Variants in RASGEF1A observed in about 807,000 individuals in gnomAD.
The protein encoded by RASGEF1A is RasGEF domain family member 1A, also known as ras-GEF domain-containing family member 1A.
In RASGEF1A, 18 loss-of-function variants were observed where a neutral mutation model predicts 56.4. The ratio of observed to expected loss-of-function variants is 0.32; its 90% CI spans 0.22 to 0.47. The LOEUF (loss-of-function observed/expected upper bound fraction) is 0.47. Among genes scored for constraint, RASGEF1A ranks in the 20% least tolerant of loss-of-function variants. RASGEF1A has a pLI of 1.00. For synonymous variants in RASGEF1A, 245 were observed against 242.6 expected, an observed-to-expected ratio of 1.01 and a Z score of -0.09; for missense variants, 422 against 627.1, an observed-to-expected ratio of 0.67 and a Z score of 3.49.
chr10:43,220,187 G>A (rs1840189167), intron 1 of RASGEF1A, among the ~76,000 whole-genome samples: 1 of 152,228 alleles, frequency 6.6e-6, no homozygotes, highest in Non-Finnish European at 1.5e-5. Context: ...GTGTAATAAT[G>A]TGTTGTGGTC....
In RASGEF1A at chr10:43,200,250, C is replaced by A; in HGVS notation, c.688G>T (p.Val230Phe). Residue 230 changes from valine to phenylalanine, a missense_variant, in exon 6 of 13, where the codon GTC (valine) becomes TTC (phenylalanine). Physicochemically the swap from Val to Phe is conservative, Grantham distance 50. Transcript: ENST00000395810. ...AAGTCCTCAGGGTAAATGCTGCTGA[C>A]CCTGTCCTGGGGTGGAAGATAGCAA... ...QQLTHIELDR[V>F]SSIYPEDLMQ... 6.2e-7 allele frequency: 1 copy of A among 1,605,070 alleles called. No individual in the cohort carries two copies.
Position 43,196,928 on chromosome 10 carries a change from G to A in RASGEF1A, c.1348+48C>T. 3 of 1,604,112 alleles carry A rather than the reference G, an allele frequency of 1.9e-6. No homozygotes were observed. Among genetic ancestry groups the A allele is most frequent in the Non-Finnish European group, 2.6e-6 (3 of 1,176,098 alleles). ...CCCAAAGAGCACCGGGCCTGGACAA[G>A]GAGTCAGGTGGGGTGGGAGGCATGC... On this transcript the variant is annotated intron_variant, in intron 11 of 12. Transcript: ENST00000395810. This position sits in a 1 kb window ranked among gnomAD's most constrained non-coding sequence, Gnocchi z 4.6.
At chr10:43,230,296 G>C (rs1296600766) in intron 1 of RASGEF1A, among the ~76,000 whole-genome samples, 6 of 152,312 alleles carry the variant, frequency 3.9e-5, no homozygotes, top group Admixed American at 3.9e-4. Context: ...TGGAACTCGG[G>C]GGACACGGCA....
intron 9 of RASGEF1A, 94 bp downstream of exon 9, chr10:43,198,839 G>A: frequency 1.7e-6 from 2 of 1,163,362 alleles, no homozygotes; most frequent in Non-Finnish European, 2.6e-6. Flanking sequence ...GGGAGAGGAG[G>A]GCAGCCCCCC....
intron 3 of RASGEF1A, 139 bp from the exon 4 acceptor site, chr10:43,202,084 C>A (rs1839909033): frequency 1.1e-6 from 1 of 884,340 alleles, no homozygotes. Flanking sequence ...GTGCCACCTG[C>A]GGTTTGGCCA....
At chr10:43,224,205 T>G (rs895905644) in intron 1 of RASGEF1A, among the ~76,000 whole-genome samples, 1 of 152,238 alleles carries the variant, frequency 6.6e-6, no homozygotes, top group Non-Finnish European at 1.5e-5. Context: ...ATATGATATA[T>G]AAACTATTTC....
intron 1 of RASGEF1A, chr10:43,229,822 G>A (rs1417096424): frequency 1.9e-6 from 2 of 1,058,202 alleles, no homozygotes; most frequent in Non-Finnish European, 2.5e-6. Flanking sequence ...GGCTGGGCTG[G>A]GGACCGCGGG....
chr10:43,214,134 T>C (rs1840103778), intron 1 of RASGEF1A, among the ~76,000 whole-genome samples: 1 of 152,206 alleles, frequency 6.6e-6, no homozygotes, highest in South Asian at 2.1e-4. Flanking sequence ...CCTTGCACCC[T>C]GCCCTATCAC....
intron 1 of RASGEF1A, among the ~76,000 whole-genome samples, chr10:43,230,492 C>T (rs1840351729): frequency 6.6e-6 from 1 of 152,174 alleles, no homozygotes; most frequent in South Asian, 2.1e-4. Flanking sequence ...GAAAGATGCG[C>T]GGAGCCGAAG....
chr10:43,250,432 G>T (rs909449484), intron 1 of RASGEF1A, among the ~76,000 whole-genome samples: 5 of 152,224 alleles, frequency 3.3e-5, no homozygotes, highest in African/African-American at 1.2e-4. Context: ...TGCCAATTCC[G>T]CCTGTTGCTT....
rs978539126 is a variant in RASGEF1A, at chr10:43,247,818, T to C, written c.-7+19027A>G. Among the ~76,000 whole-genome samples, 3 of 152,138 alleles carry C rather than the reference T, an allele frequency of 2.0e-5. No homozygotes were observed. In the East Asian group the frequency reaches 5.8e-4, roughly 29 times the overall value. ...GGCTCACACCTATAATCCCAGCACT[T>C]TGGGAGGCCTAGGCAGACAGATCAC... On this transcript the variant is annotated intron_variant, in intron 1 of 12. Transcript: ENST00000395810.
chr10:43,265,833 T>C (rs1228642240), intron 1 of RASGEF1A, among the ~76,000 whole-genome samples: 1 of 152,136 alleles, frequency 6.6e-6, no homozygotes, highest in African/African-American at 2.4e-5. Context: ...GGGAGAACCC[T>C]GGGGGGACAG....
At chr10:43,221,397 C>G (rs1800496270) in intron 1 of RASGEF1A, among the ~76,000 whole-genome samples, 1 of 152,192 alleles carries the variant, frequency 6.6e-6, no homozygotes, top group Admixed American at 6.5e-5. Context: ...CGTCTCCATG[C>G]CTCCCCAGGG....
At chr10:43,254,003 C>T (rs1840657228) in intron 1 of RASGEF1A, among the ~76,000 whole-genome samples, 1 of 152,152 alleles carries the variant, frequency 6.6e-6, no homozygotes, top group Non-Finnish European at 1.5e-5. Context: ...CTGGGGCAGG[C>T]CTGCCTCCCC....
At chr10:43,242,384 T>C (rs1361538282) in intron 1 of RASGEF1A, among the ~76,000 whole-genome samples, 1 of 152,074 alleles carries the variant, frequency 6.6e-6, no homozygotes, top group Non-Finnish European at 1.5e-5. Context: ...ACTGATAGAA[T>C]TGAAGGAAGA....
intron 1 of RASGEF1A, among the ~76,000 whole-genome samples, chr10:43,241,270 T>C (rs1267762626): frequency 1.3e-5 from 2 of 152,222 alleles, no homozygotes; most frequent in Non-Finnish European, 1.5e-5. Flanking sequence ...AACTGGTCTA[T>C]GACCATACTA....
At chr10:43,232,886 A>T (rs1840389878) in intron 1 of RASGEF1A, among the ~76,000 whole-genome samples, 1 of 151,706 alleles carries the variant, frequency 6.6e-6, no homozygotes, top group Non-Finnish European at 1.5e-5. Flanking sequence ...GCCGGGGGGG[A>T]TCTCTTAGAA....
Position 43,201,943 on chromosome 10 carries a change from G to A in RASGEF1A, c.324C>T (p.Ala108=), listed in dbSNP as rs765097123. Residue 108 remains alanine (A), a splice_region_variant and synonymous_variant, in exon 4 of 13, where the codon GCC becomes GCT. Transcript: ENST00000395810. ...KQQLEAGPEK[A]KLKSFSAKIV... ...TCTTGGCTGAGAAAGACTTCAGCTT[G>A]GCCTGGGGCAGCAGGGGATACAGAG... 1.9e-6 allele frequency: 3 copies of A among 1,605,492 alleles called. No individual in the cohort carries two copies. The East Asian group carries it at 6.7e-5, about 36-fold the overall frequency.
chr10:43,222,464 T>C (rs1236688671), intron 1 of RASGEF1A, among the ~76,000 whole-genome samples: 1 of 152,146 alleles, frequency 6.6e-6, no homozygotes, highest in Non-Finnish European at 1.5e-5. Context: ...CAATGGCCAA[T>C]GATTCAGTCA....
Sources: gnomAD v4.1 joint callset for allele counts (sites outside exome capture counted in the v4.1 genomes callset) on GRCh38, gnomAD v4.1.1 for gene constraint, Gnocchi (gnomAD v3.1) non-coding constraint, MANE v1.5 for transcripts, NCBI Gene and HGNC (gene_info 2026-07-23, HGNC 2026-07-21) for gene names.